Variants in ZNF141 observed in about 807,000 individuals in gnomAD.
ZNF141 encodes the protein zinc finger protein 141.
In ZNF141, 7 loss-of-function variants were observed where a neutral mutation model predicts 11.3. The ratio of observed to expected loss-of-function variants is 0.62; its 90% CI spans 0.35 to 1.16. ZNF141 has a LOEUF of 1.16. ZNF141 is among the 50% of genes most tolerant of loss of function. The probability of loss-of-function intolerance (pLI) is 0.02; values close to 1 mark genes in which losing one functional copy is unlikely to be tolerated. For synonymous variants in ZNF141, 183 were observed against 190.7 expected (o/e 0.96, Z 0.33); for missense variants, 535 against 554.0 (o/e 0.97, Z 0.34).
intron 3 of ZNF141, among the ~76,000 whole-genome samples, chr4:360,709 A>C (rs964222172): frequency 5.3e-5 from 8 of 152,154 alleles, no homozygotes; most frequent in Non-Finnish European, 1.0e-4. Flanking sequence ...CATTGGAGCA[A>C]GTTAAAAAAA....
chr4:343,963 C>G, intron 2 of ZNF141, 55 bp downstream of exon 2: 1 of 1,559,084 alleles, frequency 6.4e-7, no homozygotes, highest in South Asian at 1.2e-5. Flanking sequence ...TTATTTTATT[C>G]CTTTGAAGAA....
intron 1 of ZNF141, among the ~76,000 whole-genome samples, chr4:342,056 T>C (rs772547972): frequency 6.6e-5 from 10 of 152,194 alleles, no homozygotes; most frequent in Non-Finnish European, 4.4e-5. Context: ...TATATTTAGC[T>C]ATTATTCTAT....
chr4:369,990 C>T (rs574683579), intron 3 of ZNF141, among the ~76,000 whole-genome samples: 2 of 151,568 alleles, frequency 1.3e-5, no homozygotes, highest in Non-Finnish European at 2.9e-5. Context: ...TGATCTCGAT[C>T]TCCTGACCTC....
Position 384,379 on chromosome 4 carries a change from G to A in ZNF141, c.*10517G>A, listed in dbSNP as rs1712816356. On this transcript the variant is annotated 3_prime_UTR_variant, in exon 4 of 4. Transcript: ENST00000240499. ...GAGGCTGGTTAGGAAGATAGGGAGG[G>A]AAGGTCTTGGGAGATGAAAAACACC... The A allele has an allele frequency of 6.6e-6, 1 of 152,176 alleles. No homozygotes were observed. 9.4% of individuals were successfully genotyped at this position (152,176 alleles called of 1,614,324 possible). A position where few individuals can be genotyped will look rare whatever the true frequency, so the allele number is the denominator to read the frequency against.
intron 3 of ZNF141, among the ~76,000 whole-genome samples, chr4:369,764 A>ATGTTTTTTTTTTTTTTTTTTTT: frequency 2.1e-5 from 1 of 48,736 alleles, no homozygotes; most frequent in Admixed American, 2.9e-4. Flanking sequence ...ATATATATAT[A>ATGTTTTTTTTTTTTTTTTTTTT]TTTTTTTTTT....
rs575364989 is a variant in ZNF141 at position 350,276 on chromosome 4, A to G, written c.226+5846A>G. 9.5e-6 allele frequency: 5 copies of G among 525,192 alleles called. No individual in the cohort carries two copies. The East Asian group carries it at 2.2e-4, about 23-fold the overall frequency. 32.5% of individuals were successfully genotyped at this position (525,192 alleles called of 1,614,324 possible). On this transcript the variant is annotated intron_variant, in intron 3 of 3. Transcript: ENST00000240499. ...TAAATAACCCTCGATCTCTGGCTCCACTGAGGTTTCACAACCCTAACCATA... is the reference window on the plus strand; with the variant it reads ...TAAATAACCCTCGATCTCTGGCTCCGCTGAGGTTTCACAACCCTAACCATA...
At position 379,404 on chromosome 4, in the gene ZNF141, C is replaced by G. The variant is rs1712516979; in HGVS notation, c.*5542C>G. On this transcript the variant is annotated 3_prime_UTR_variant, in exon 4 of 4. Coordinates refer to ENST00000240499, the MANE Select transcript of ZNF141 (RefSeq NM_003441.4). ...CTTTATTTTATTTTTGAGACGGAGT[C>G]TCGCTCTGTCGCCAGGCTGGAGTAC... 6.6e-6 allele frequency among the ~76,000 whole-genome samples: 1 copy of G among 152,034 alleles called. No individual in the cohort carries two copies. Among genetic ancestry groups the G allele is most frequent in the African/African-American group, 2.4e-5 (1 of 41,406 alleles).
intron 3 of ZNF141, among the ~76,000 whole-genome samples, chr4:369,987 G>A (rs942171985): frequency 2.6e-5 from 4 of 151,082 alleles, no homozygotes; most frequent in Non-Finnish European, 5.9e-5. Flanking sequence ...GGATGATCTC[G>A]ATCTCCTGAC....
At chr4:347,713 A>T (rs1721403006) in intron 3 of ZNF141, among the ~76,000 whole-genome samples, 1 of 148,582 alleles carries the variant, frequency 6.7e-6, no homozygotes, top group Admixed American at 6.7e-5. Context: ...AGCATACAAG[A>T]TTTCCCTTGT....
intron 1 of ZNF141, among the ~76,000 whole-genome samples, chr4:339,298 C>G (rs1271841959): frequency 6.6e-6 from 1 of 152,246 alleles, no homozygotes; most frequent in Non-Finnish European, 1.5e-5. Context: ...ATCTCCTCTG[C>G]CTTTATGGGC....
Position 383,094 on chromosome 4 carries a change from G to T in ZNF141, c.*9232G>T, listed in dbSNP as rs1553855890. 1.3e-5 allele frequency: 9 copies of T among 693,798 alleles called. No homozygotes were observed. The highest frequency in any genetic ancestry group is 3.0e-5 in the South Asian group (2 of 66,200). 43.0% of individuals were successfully genotyped at this position (693,798 alleles called of 1,614,324 possible). A position where few individuals can be genotyped will look rare whatever the true frequency, so the allele number is the denominator to read the frequency against. ...CTAAATGCTTCTGTTATCTTTTTCAGAATTCTTCCATCTCTATGACAACAA... is the reference window on the plus strand; with the variant it reads ...CTAAATGCTTCTGTTATCTTTTTCATAATTCTTCCATCTCTATGACAACAA... On this transcript the variant is annotated 3_prime_UTR_variant, in exon 4 of 4. Transcript: ENST00000240499.
intron 1 of ZNF141, 77 bp downstream of exon 1, chr4:338,063 T>G (rs996604340): frequency 1.4e-5 from 22 of 1,596,250 alleles, no homozygotes; most frequent in Non-Finnish European, 1.9e-5. Flanking sequence ...CGGGACCGAG[T>G]CTGCGAACGG....
At position 382,817 on chromosome 4, in the gene ZNF141, G is replaced by A. The variant is rs1413085784; in HGVS notation, c.*8955G>A. ...GCATGGGCTTCAGAATCAGGCCAACGTTGATCCTGAGTCCCAGCCAGCTGC... is the reference window on the plus strand; with the variant it reads ...GCATGGGCTTCAGAATCAGGCCAACATTGATCCTGAGTCCCAGCCAGCTGC... On this transcript the variant is annotated 3_prime_UTR_variant, in exon 4 of 4. Coordinates refer to ENST00000240499, the MANE Select transcript of ZNF141 (RefSeq NM_003441.4). 4 of 256,758 alleles carry A rather than the reference G, an allele frequency of 1.6e-5. No individual in the cohort carries two copies. Among genetic ancestry groups the A allele is most frequent in the Non-Finnish European group, 3.0e-5 (4 of 132,810 alleles). The allele number at this position is 256,758 out of a possible 1,614,324, so 15.9% of individuals were successfully genotyped here. A position where few individuals can be genotyped will look rare whatever the true frequency, so the allele number is the denominator to read the frequency against.
chr4:363,280 G>T (rs967465143), intron 3 of ZNF141, among the ~76,000 whole-genome samples: 2 of 152,140 alleles, frequency 1.3e-5, no homozygotes, highest in African/African-American at 2.4e-5. Context: ...GGGCTGAGAC[G>T]ATGGGGTTTT....
At position 383,875 on chromosome 4, in the gene ZNF141, C is replaced by A. The variant is rs1330433618; in HGVS notation, c.*10013C>A. 6.6e-6 allele frequency: 1 copy of A among 152,254 alleles called. No homozygotes were observed. The highest frequency in any genetic ancestry group is 1.5e-5 in the Non-Finnish European group (1 of 68,070). The allele number at this position is 152,254 out of a possible 1,614,324, so 9.4% of individuals were successfully genotyped here. A position where few individuals can be genotyped will look rare whatever the true frequency, so the allele number is the denominator to read the frequency against. On this transcript the variant is annotated 3_prime_UTR_variant, in exon 4 of 4. Transcript: ENST00000240499. Reference sequence around the variant, plus strand: ...GAACCTCAAAAGGAGTACTTAAAACCCAGAAAACATTGTAACCGGGTCCTT... The same window carrying A: ...GAACCTCAAAAGGAGTACTTAAAACACAGAAAACATTGTAACCGGGTCCTT...
intron 3 of ZNF141, among the ~76,000 whole-genome samples, chr4:366,929 A>G (rs995671509): frequency 1.3e-5 from 2 of 152,192 alleles, no homozygotes; most frequent in African/African-American, 4.8e-5. Context: ...CAGCCTCCCA[A>G]AATGCTAGGA....
chr4:379,484 C>G lies in ZNF141; in HGVS notation c.*5622C>G, dbSNP rs1339148997. 2.6e-5 allele frequency among the ~76,000 whole-genome samples: 4 copies of G among 152,230 alleles called. No homozygotes were observed. The highest frequency in any genetic ancestry group is 9.6e-5 in the African/African-American group (4 of 41,454). On this transcript the variant is annotated 3_prime_UTR_variant, in exon 4 of 4. Coordinates refer to ENST00000240499, the MANE Select transcript of ZNF141 (RefSeq NM_003441.4). The stretch of plus-strand genomic sequence containing the variant: ...CCGCCTCTCAGGTTCAGGCGATTCT[C>G]CTGCCTCAGCCTCCTTATTAGCTGG...
Position 381,400 on chromosome 4 carries a change from C to CTTT in ZNF141, c.*7562_*7564dup, listed in dbSNP as rs34721227. On this transcript the variant is annotated 3_prime_UTR_variant, in exon 4 of 4. Coordinates refer to ENST00000240499, the MANE Select transcript of ZNF141 (RefSeq NM_003441.4). ...CTATTTAATACAGACTTCAAATGTG[C>CTTT]TTTTTTTTTTTTTTTTTTTTTTTTT... 2.9e-3 allele frequency among the ~76,000 whole-genome samples: 222 copies of CTTT among 76,942 alleles called. 18 individuals carry two copies. Among genetic ancestry groups the CTTT allele is most frequent in the Middle Eastern group, 0.019 (2 of 108 alleles). The allele number at this position is 76,942 out of a possible 152,430, so 50.5% of individuals were successfully genotyped here.
intron 3 of ZNF141, among the ~76,000 whole-genome samples, chr4:357,676 T>C (rs1553851383): frequency 1.3e-5 from 2 of 151,664 alleles, no homozygotes; most frequent in African/African-American, 2.4e-5. Context: ...GGGACCCAAA[T>C]GCTTCAGTCA....
Sources: allele counts gnomAD v4.1 joint callset (sites outside exome capture counted in the v4.1 genomes callset), GRCh38; gene constraint gnomAD v4.1.1; transcripts MANE v1.5; gene names NCBI Gene and HGNC (gene_info 2026-07-23, HGNC 2026-07-21).